TBC1D30: variants seen among roughly 807,000 people sequenced by gnomAD.
TBC1D30 encodes the protein TBC1 domain family, member 30.
In TBC1D30, 31 loss-of-function variants were observed where a neutral mutation model predicts 63.2. The observed-to-expected ratio is 0.49, with a 90% confidence interval of 0.37 to 0.66. The LOEUF (loss-of-function observed/expected upper bound fraction) is 0.66, where lower values mean the gene tolerates loss of function less well. TBC1D30 is among the 30% of genes least tolerant of loss of function. The pLI, the probability that TBC1D30 is intolerant of heterozygous loss-of-function variation, is 0.00. For synonymous variants in TBC1D30, 307 were observed against 361.5 expected, an observed-to-expected ratio of 0.85 and a Z score of 1.71; for missense variants, 810 against 953.6, an observed-to-expected ratio of 0.85 and a Z score of 1.98.
exon 1 of TBC1D30, chr12:64,780,703 C>T: frequency 1.0e-6 from 1 of 966,174 alleles, no homozygotes; most frequent in African/African-American, 1.8e-5. Context: ...GCGCCGCGCC[C>T]GGGAGGGCAC....
At chr12:64,795,244 A>G (rs1263503517) in intron 2 of TBC1D30, among the ~76,000 whole-genome samples, 1 of 152,068 alleles carries the variant, frequency 6.6e-6, no homozygotes, top group South Asian at 2.1e-4. Context: ...GAGTCTTCTG[A>G]TCTCCTGCTC....
intron 7 of TBC1D30, among the ~76,000 whole-genome samples, chr12:64,843,046 T>C (rs775340182): frequency 9.9e-5 from 15 of 152,252 alleles, no homozygotes; most frequent in Non-Finnish European, 1.9e-4. Context: ...CTCACTGTGT[T>C]ATCCAGGCTG....
intron 2 of TBC1D30, among the ~76,000 whole-genome samples, chr12:64,812,999 G>C (rs905135713): frequency 1.3e-5 from 2 of 152,036 alleles, no homozygotes; most frequent in African/African-American, 4.8e-5. Flanking sequence ...GGTCAAATTG[G>C]GTGGTAACGA....
At chr12:64,776,892 T>A (rs566206038), upstream of TBC1D30, among the ~76,000 whole-genome samples, 23 of 152,232 alleles carry the variant, frequency 1.5e-4, no homozygotes, top group African/African-American at 5.5e-4. Flanking sequence ...CAGCAGCACA[T>A]CAAAAAACTC....
chr12:64,808,652 A>C (rs1873024055), intron 2 of TBC1D30, among the ~76,000 whole-genome samples: 1 of 152,200 alleles, frequency 6.6e-6, no homozygotes, highest in Non-Finnish European at 1.5e-5. Flanking sequence ...GACATTAGGT[A>C]CAGTCACGCT....
chr12:64,861,533 G>C (rs1877790133), intron 8 of TBC1D30, among the ~76,000 whole-genome samples: 1 of 152,062 alleles, frequency 6.6e-6, no homozygotes, highest in African/African-American at 2.4e-5. Context: ...TTTTCTTTCT[G>C]TTCTAAGTGC....
intron 8 of TBC1D30, among the ~76,000 whole-genome samples, chr12:64,855,280 T>C (rs1877205813): frequency 6.6e-6 from 1 of 152,134 alleles, no homozygotes; most frequent in Non-Finnish European, 1.5e-5. Flanking sequence ...CTTTGAGAGT[T>C]TGATTGTAAA....
chr12:64,876,344 C>A lies in TBC1D30; in HGVS notation c.*556C>A. The stretch of plus-strand genomic sequence containing the variant: ...TTCAAATTTTTTTTTTATTCTTATG[C>A]TAAATCATAGGAGAAAAATCTAGAT... On this transcript the variant is annotated 3_prime_UTR_variant, in exon 12 of 12. Coordinates refer to ENST00000539867, the MANE Select transcript of TBC1D30 (RefSeq NM_015279.2). 6.5e-6 allele frequency: 1 copy of A among 154,166 alleles called. No individual in the cohort carries two copies. Among genetic ancestry groups the A allele is most frequent in the Non-Finnish European group, 1.4e-5 (1 of 69,438 alleles). The allele number at this position is 154,166 out of a possible 1,614,324, so 9.5% of individuals were successfully genotyped here. A position where few individuals can be genotyped will look rare whatever the true frequency, so the allele number is the denominator to read the frequency against.
chr12:64,875,388 C>T lies in TBC1D30; in HGVS notation c.1886C>T (p.Thr629Ile). 1 of 1,536,194 alleles carries T rather than the reference C, an allele frequency of 6.5e-7. No individual in the cohort carries two copies. Among genetic ancestry groups the T allele is most frequent in the East Asian group, 2.4e-5 (1 of 40,912 alleles). ...GAAGGCAGCAGCCCTGAAGGCAGTA[C>T]CAGGAGGACGATCGAGGGGCAGTCT... ...GREGSSPEGS[T>I]RRTIEGQSPE... Residue 629 changes from threonine to isoleucine, a missense_variant, in exon 12 of 12, where the codon ACC becomes ATC. Thr to Ile is a moderately conservative substitution (Grantham distance 89). Transcript: ENST00000539867.
intron 1 of TBC1D30, among the ~76,000 whole-genome samples, chr12:64,782,197 CAG>C (rs1305638988): frequency 6.6e-6 from 1 of 151,540 alleles, no homozygotes; most frequent in African/African-American, 2.4e-5. Context: ...GTATGGAAAA[CAG>C]ATGCCGAGCC....
At chr12:64,804,932 G>T (rs1351525228) in intron 2 of TBC1D30, among the ~76,000 whole-genome samples, 1 of 152,182 alleles carries the variant, frequency 6.6e-6, no homozygotes, top group Non-Finnish European at 1.5e-5. Context: ...CTGAATGCGT[G>T]GCTCACACCT....
chr12:64,874,914 C>A, intron 11 of TBC1D30, 87 bp from the exon 12 acceptor site: 1 of 1,278,646 alleles, frequency 7.8e-7, no homozygotes, highest in Non-Finnish European at 1.1e-6. Flanking sequence ...GTAGACGGGG[C>A]TGGGAGGACC....
chr12:64,805,762 G>A (rs1313814080), intron 2 of TBC1D30, among the ~76,000 whole-genome samples: 1 of 152,074 alleles, frequency 6.6e-6, no homozygotes, highest in Non-Finnish European at 1.5e-5. Context: ...GAACCCAGGA[G>A]GTAGAGGTTG....
chr12:64,769,886 T>A (rs1183036882), intron 1 of TBC1D30, among the ~76,000 whole-genome samples: 1 of 152,214 alleles, frequency 6.6e-6, no homozygotes, highest in Non-Finnish European at 1.5e-5. Flanking sequence ...TAATTTTTAA[T>A]GTAAAGTATA....
At chr12:64,808,935 TTCCATTCATCCA>T (rs1205257897) in intron 2 of TBC1D30, among the ~76,000 whole-genome samples, 4 of 152,206 alleles carry the variant, frequency 2.6e-5, no homozygotes, top group East Asian at 1.9e-4. Context: ...CATTTTGTTC[TTCCATTCATCCA>T]TCCATTCATC....
At chr12:64,853,235 G>T (rs1428528624) in intron 8 of TBC1D30, among the ~76,000 whole-genome samples, 1 of 152,166 alleles carries the variant, frequency 6.6e-6, no homozygotes, top group African/African-American at 2.4e-5. Flanking sequence ...CGGCTTTGCC[G>T]AGCTGTGGTG....
Position 64,787,989 on chromosome 12 carries a change from G to A in TBC1D30, c.643+1944G>A, listed in dbSNP as rs1004578156. On this transcript the variant is annotated intron_variant, in intron 2 of 12. Transcript: ENST00000542120. ...GCGGGGGTTGCAGTGAGCCAAGATT[G>A]CGCCACTGCACTCCAGCCTGGGCAA... is the stretch of plus-strand genomic sequence containing the variant. Among the ~76,000 whole-genome samples, 4 of 152,046 alleles carry A rather than the reference G, an allele frequency of 2.6e-5. No individual in the cohort carries two copies. The South Asian group carries it at 8.3e-4, about 31-fold the overall frequency.
intron 8 of TBC1D30, among the ~76,000 whole-genome samples, chr12:64,852,264 C>T (rs1398931629): frequency 6.6e-6 from 1 of 151,396 alleles, no homozygotes; most frequent in Admixed American, 6.6e-5. Flanking sequence ...TATTTAGTCT[C>T]TGATATCCTT....
At chr12:64,834,986 A>C (rs1875213258) in intron 5 of TBC1D30, among the ~76,000 whole-genome samples, 1 of 152,072 alleles carries the variant, frequency 6.6e-6, no homozygotes, top group Non-Finnish European at 1.5e-5. Flanking sequence ...GTCAGTGTAC[A>C]TCCTTTACGT....
Sources: gnomAD v4.1 joint callset for allele counts (sites outside exome capture counted in the v4.1 genomes callset) on GRCh38, gnomAD v4.1.1 for gene constraint, MANE v1.5 for transcripts, NCBI Gene and HGNC (gene_info 2026-07-23, HGNC 2026-07-21) for gene names.